UNC13C: variants seen among roughly 807,000 people sequenced by gnomAD.
UNC13C encodes unc-13 homolog C.
UNC13C carries 174 observed loss-of-function variants against 245.4 expected under a neutral mutation model. The observed-to-expected ratio is 0.71, with a 90% CI of 0.63 to 0.80. UNC13C has a LOEUF of 0.80. Among genes scored for constraint, UNC13C ranks in the 30% least tolerant of loss-of-function variants. The pLI, the probability that UNC13C is intolerant of heterozygous loss-of-function variation, is 0.00. For synonymous variants in UNC13C, 992 were observed against 895.1 expected (o/e 1.11, Z -1.93); for missense variants, 2,829 against 2,602.9 (o/e 1.09, Z -1.89).
At chr15:54,404,086 G>T (rs2040243619) in intron 18 of UNC13C, among the ~76,000 whole-genome samples, 1 of 152,066 alleles carries the variant, frequency 6.6e-6, no homozygotes. Flanking sequence ...ACTAACAAAG[G>T]CTTAATAAGT....
intron 4 of UNC13C, among the ~76,000 whole-genome samples, chr15:54,212,989 A>G (rs2034931309): frequency 6.6e-6 from 1 of 152,038 alleles, no homozygotes; most frequent in Admixed American, 6.6e-5. Context: ...TTAGAGACAT[A>G]ATGAATCTAT....
chr15:54,073,277 A>T (rs549092843), intron 2 of UNC13C, among the ~76,000 whole-genome samples: 316 of 152,118 alleles, frequency 2.1e-3, no homozygotes, highest in African/African-American at 7.3e-3. Context: ...TATCTAGTTT[A>T]TCATTGATGG....
the UNC13C span, among the ~76,000 whole-genome samples, chr15:53,969,993 A>G: frequency 5.9e-5 from 9 of 151,274 alleles, no homozygotes; most frequent in Admixed American, 5.9e-4. Flanking sequence ...TGACTGGCAT[A>G]TCTCACTTAG....
intron 4 of UNC13C, among the ~76,000 whole-genome samples, chr15:54,206,896 A>G (rs1276274016): frequency 6.6e-6 from 1 of 152,110 alleles, no homozygotes; most frequent in African/African-American, 2.4e-5. Flanking sequence ...TCAGATGTCT[A>G]TAACTTTGGC....
At chr15:54,102,408 C>T in intron 2 of UNC13C, among the ~76,000 whole-genome samples, 1 of 152,174 alleles carries the variant, frequency 6.6e-6, no homozygotes, top group East Asian at 1.9e-4. Flanking sequence ...GAAGGATTTT[C>T]AAGTGCAAAG....
intron 29 of UNC13C, among the ~76,000 whole-genome samples, chr15:54,555,930 A>G (rs1897069717): frequency 6.6e-6 from 1 of 152,050 alleles, no homozygotes; most frequent in African/African-American, 2.4e-5. Context: ...TGTTGAAATT[A>G]TTTTTAAAAT....
intron 20 of UNC13C, 34 bp from the exon 21 acceptor site, chr15:54,500,045 C>A: frequency 4.7e-6 from 7 of 1,474,386 alleles, no homozygotes; most frequent in Non-Finnish European, 6.5e-6. Flanking sequence ...AAATGATGTC[C>A]TTTGTGGTAT....
At chr15:54,378,934 C>T (rs1471357535) in intron 17 of UNC13C, among the ~76,000 whole-genome samples, 2 of 151,926 alleles carry the variant, frequency 1.3e-5, no homozygotes. Context: ...GCAGTTTTGG[C>T]AATTTAAATG....
chr15:54,511,524 G>C (rs1029147115), intron 23 of UNC13C, among the ~76,000 whole-genome samples: 20 of 152,040 alleles, frequency 1.3e-4, no homozygotes, highest in African/African-American at 4.6e-4. Context: ...GTCTCCAATG[G>C]TTTATTGTCT....
chr15:54,110,334 A>C (rs1042981696), intron 2 of UNC13C, among the ~76,000 whole-genome samples: 2 of 152,168 alleles, frequency 1.3e-5, no homozygotes, highest in African/African-American at 4.8e-5. Context: ...TAATCTGGGA[A>C]GTCCCACAGA....
chr15:54,121,071 A>T (rs905769393), intron 2 of UNC13C, among the ~76,000 whole-genome samples: 8 of 152,174 alleles, frequency 5.3e-5, no homozygotes, highest in African/African-American at 1.7e-4. Flanking sequence ...AGCGTTTGAG[A>T]GGATGGAGTC....
chr15:54,148,414 G>C (rs1046708385), intron 4 of UNC13C, among the ~76,000 whole-genome samples: 1 of 152,100 alleles, frequency 6.6e-6, no homozygotes, highest in African/African-American at 2.4e-5. Context: ...TGTCAGTTAG[G>C]TTCAACAAAG....
At chr15:54,254,403 A>G (rs1009319372) in intron 8 of UNC13C, among the ~76,000 whole-genome samples, 7 of 152,326 alleles carry the variant, frequency 4.6e-5, no homozygotes, top group Admixed American at 1.3e-4. Flanking sequence ...CAATTTTACA[A>G]TATATGTTTA....
chr15:54,264,215 A>G lies in UNC13C; in HGVS notation c.3496A>G (p.Thr1166Ala), dbSNP rs1236389226. 4 of 1,593,426 alleles carry G rather than the reference A, an allele frequency of 2.5e-6. No homozygotes were observed. The highest frequency in any genetic ancestry group is 1.1e-5 in the South Asian group (1 of 87,310). ...ACATGGTGCCGAAGACAAGACTCAGACCATTATTACAGCAATGAAAGAAAG... is the reference window on the plus strand; with the variant it reads ...ACATGGTGCCGAAGACAAGACTCAGGCCATTATTACAGCAATGAAAGAAAG... ...SKHGAEDKTQ[T>A]IITAMKERMK... Residue 1166 changes from threonine (T) to alanine (A), a missense_variant, in exon 9 of 33, where the codon ACC becomes GCC. Physicochemically the swap from Thr to Ala is moderately conservative, Grantham distance 58. Coordinates refer to ENST00000260323, the MANE Select transcript of UNC13C (RefSeq NM_001080534.3).
chr15:54,024,872 A>G (rs1224681677), intron 2 of UNC13C, among the ~76,000 whole-genome samples: 1 of 152,046 alleles, frequency 6.6e-6, no homozygotes, highest in Non-Finnish European at 1.5e-5. Context: ...CCGAGATGGC[A>G]CCACTGCACT....
At chr15:54,622,569 TTAAAAATAGAAAAA>T in intron 31 of UNC13C, 150 bp downstream of exon 31, 2 of 583,048 alleles carry the variant, frequency 3.4e-6, no homozygotes, top group Admixed American at 5.9e-5. Flanking sequence ...AAACTTTTGA[TTAAAAATAGAAAAA>T]TATCAATGGC....
intron 2 of UNC13C, among the ~76,000 whole-genome samples, chr15:54,113,908 C>T (rs950786307): frequency 5.9e-5 from 9 of 152,206 alleles, no homozygotes; most frequent in African/African-American, 2.2e-4. Context: ...TACCTGTGTA[C>T]GTTTTGCTGG....
At chr15:54,126,566 G>A (rs972477542) in intron 2 of UNC13C, among the ~76,000 whole-genome samples, 4 of 152,042 alleles carry the variant, frequency 2.6e-5, no homozygotes, top group African/African-American at 9.7e-5. Context: ...ACTCAAGATG[G>A]ATTAAAGACT....
chr15:54,148,697 G>A (rs899573693), intron 4 of UNC13C, among the ~76,000 whole-genome samples: 3 of 152,092 alleles, frequency 2.0e-5, no homozygotes, highest in African/African-American at 7.2e-5. Context: ...TTCCTATCAA[G>A]TCCACTAATT....
Sources: allele counts gnomAD v4.1 joint callset (sites outside exome capture counted in the v4.1 genomes callset), GRCh38; gene constraint gnomAD v4.1.1; transcripts MANE v1.5; gene names NCBI Gene and HGNC (gene_info 2026-07-23, HGNC 2026-07-21).